Variants in MRPS22 observed in about 807,000 individuals in gnomAD.
MRPS22 encodes mitochondrial ribosomal protein S22, also known as small ribosomal subunit protein mS22.
In MRPS22, 30 loss-of-function variants were observed where a neutral mutation model predicts 44.0. That is an observed-to-expected ratio of 0.68 (90% CI 0.51 to 0.93). The LOEUF (loss-of-function observed/expected upper bound fraction) is 0.93. Among genes scored for constraint, MRPS22 ranks in the 40% least tolerant of loss-of-function variants. The pLI, the probability that MRPS22 is intolerant of heterozygous loss-of-function variation, is 0.00. For synonymous variants in MRPS22, 165 were observed against 154.4 expected (o/e 1.07, Z -0.51); for missense variants, 447 against 447.8 (o/e 1.00, Z 0.02).
chr3:139,347,197 C>T (rs1482367861), intron 2 of MRPS22, among the ~76,000 whole-genome samples, 153 bp downstream of exon 2: 1 of 152,176 alleles, frequency 6.6e-6, no homozygotes, highest in Non-Finnish European at 1.5e-5. Flanking sequence ...TGTGAGTAGG[C>T]TGCCAGAGAG....
chr3:139,348,237 T>C lies in MRPS22; in HGVS notation c.417T>C (p.Asn139=). Residue 139 remains asparagine, a synonymous_variant, in exon 3 of 8, where the codon AAT becomes AAC. Coordinates refer to ENST00000680020, the MANE Select transcript of MRPS22 (RefSeq NM_020191.4). ...TTCTGGAAGAGCGAGTACCAATAAATGATGTGTTAGCTGAAGATAAGATTT... is the reference window on the plus strand; with the variant it reads ...TTCTGGAAGAGCGAGTACCAATAAACGATGTGTTAGCTGAAGATAAGATTT... ...PPVLEERVPI[N]DVLAEDKILE... The C allele has an allele frequency of 1.9e-6, 3 of 1,614,088 alleles. 1 individual carries two copies.
chr3:139,348,241 G>GTGT lies in MRPS22; in HGVS notation c.423_425dup (p.Leu142dup). The GTGT allele has an allele frequency of 6.2e-7, 1 of 1,614,064 alleles. No individual in the cohort carries two copies. Among genetic ancestry groups the GTGT allele is most frequent in the South Asian group, 1.1e-5 (1 of 91,088 alleles). ...GGAAGAGCGAGTACCAATAAATGAT[G>GTGT]TGTTAGCTGAAGATAAGATTTTGGA... On this transcript the variant is annotated inframe_insertion, in exon 3 of 8. Transcript: ENST00000680020.
intron 5 of MRPS22, chr3:139,351,388 T>C: frequency 2.7e-6 from 1 of 364,038 alleles, no homozygotes; most frequent in South Asian, 2.2e-5. Flanking sequence ...TTTACTAAAA[T>C]TTTGCTGAAG....
At chr3:139,344,336 C>A in intron 1 of MRPS22, 138 bp downstream of exon 1, 1 of 975,514 alleles carries the variant, frequency 1.0e-6, no homozygotes, top group Non-Finnish European at 1.6e-6. Flanking sequence ...TCCTTCTGTA[C>A]CTGTAGAGTT....
At chr3:139,352,210 T>C (rs886692462) in intron 5 of MRPS22, 2 of 184,190 alleles carry the variant, frequency 1.1e-5, no homozygotes, top group East Asian at 2.8e-4. Flanking sequence ...GGTATTTTGC[T>C]TCAGGCTGCC....
Position 139,356,374 on chromosome 3 carries a change from T to G in MRPS22, c.988-545T>G, listed in dbSNP as rs145447712. Among the ~76,000 whole-genome samples the G allele has an allele frequency of 6.6e-5, 10 of 152,350 alleles. No homozygotes were observed. In the East Asian group the frequency reaches 1.9e-3, roughly 29 times the overall value. The stretch of plus-strand genomic sequence containing the variant: ...AGGGAAGGGGAGGAGATTGTATAAT[T>G]AATTTCATCTCTTCTAATGCTCAGA... On this transcript the variant is annotated intron_variant, in intron 7 of 7. Transcript: ENST00000680020.
At position 139,355,869 on chromosome 3, in the gene MRPS22, G is replaced by A. The variant is rs1941245046; in HGVS notation, c.987+79G>A. On this transcript the variant is annotated intron_variant, in intron 7 of 7. Transcript: ENST00000680020. The stretch of plus-strand genomic sequence containing the variant: ...AATTCAGAATTGGGTCATAATTAAT[G>A]GTAACTAAACAGATTTGTGAATATG... 7 of 988,808 alleles carry A rather than the reference G, an allele frequency of 7.1e-6. No individual in the cohort carries two copies. In the South Asian group the frequency reaches 8.1e-5, roughly 11 times the overall value. 61.3% of individuals were successfully genotyped at this position (988,808 alleles called of 1,614,324 possible).
chr3:139,356,059 C>G (rs998503856), intron 7 of MRPS22, among the ~76,000 whole-genome samples: 6 of 152,096 alleles, frequency 3.9e-5, no homozygotes, highest in Non-Finnish European at 8.8e-5. Flanking sequence ...AGGGAGCAGC[C>G]CCTTTGTTCT....
At chr3:139,350,917 C>T in intron 4 of MRPS22, 60 bp from the exon 5 acceptor site, 2 of 1,382,262 alleles carry the variant, frequency 1.4e-6, no homozygotes, top group South Asian at 2.3e-5. Context: ...GTCATGACAT[C>T]AGGACAGGTG....
In MRPS22 at chr3:139,344,375, TTCAC is replaced by T. The variant is rs547349210; in HGVS notation, c.172+185_172+188del. On this transcript the variant is annotated intron_variant, in intron 1 of 7. Coordinates refer to ENST00000680020, the MANE Select transcript of MRPS22 (RefSeq NM_020191.4). ...CATCACCTGCATATCTGTTCATTCGTTCACTCACTCAACTACAGTGCCTGAGTTC... is the reference window on the plus strand; with the variant it reads ...CATCACCTGCATATCTGTTCATTCGTTCACTCAACTACAGTGCCTGAGTTC... 2.4e-3 allele frequency among the ~76,000 whole-genome samples: 370 copies of T among 152,374 alleles called. 1 individual carries two copies. The highest frequency in any genetic ancestry group is 8.2e-3 in the African/African-American group (340 of 41,600).
chr3:139,345,532 G>A (rs1602628), intron 1 of MRPS22, among the ~76,000 whole-genome samples: 11,345 of 146,106 alleles, frequency 0.078, 479 homozygotes, highest in Middle Eastern at 0.14. Context: ...GGCTGAATGT[G>A]TAAAGTACTT....
chr3:139,350,679 CCCG>C (rs1941131832), intron 4 of MRPS22: 9 of 364,584 alleles, frequency 2.5e-5, no homozygotes, highest in South Asian at 4.5e-5. Context: ...GCACCCCCCC[CCCG>C]CAATCCGACT....
chr3:139,356,864 CTT>C, intron 7 of MRPS22, 53 bp from the exon 8 acceptor site: 1 of 1,326,054 alleles, frequency 7.5e-7, no homozygotes, highest in Non-Finnish European at 1.1e-6. Flanking sequence ...AACTGAAAAA[CTT>C]TATAAATAGC....
chr3:139,353,229 T>C (rs548977966), intron 6 of MRPS22, among the ~76,000 whole-genome samples: 4 of 152,368 alleles, frequency 2.6e-5, no homozygotes, highest in African/African-American at 9.6e-5. Flanking sequence ...CCCTTGCTTT[T>C]GCAAGATTTT....
chr3:139,344,552 C>T, intron 1 of MRPS22: 1 of 614,034 alleles, frequency 1.6e-6, no homozygotes, highest in East Asian at 2.7e-5. Flanking sequence ...AGGAGAGGCA[C>T]TCAAACTAGG....
intron 5 of MRPS22, 200 bp from the exon 6 acceptor site, chr3:139,352,445 TTA>T: frequency 1.9e-6 from 1 of 516,334 alleles, no homozygotes; most frequent in South Asian, 2.0e-5. Flanking sequence ...AAATTCTTTC[TTA>T]ATAGAATCCT....
chr3:139,350,045 TATC>T (rs1459854081), intron 3 of MRPS22, 131 bp from the exon 4 acceptor site: 1 of 1,010,268 alleles, frequency 9.9e-7, no homozygotes, highest in Non-Finnish European at 1.5e-6. Flanking sequence ...GGTTTAAAAT[TATC>T]ATTGATCTCA....
intron 4 of MRPS22, 156 bp from the exon 5 acceptor site, chr3:139,350,821 T>C: frequency 1.4e-6 from 1 of 700,208 alleles, no homozygotes; most frequent in Non-Finnish European, 2.6e-6. Context: ...GGAATTTGAA[T>C]CTAGGTGTGA....
intron 2 of MRPS22, 73 bp downstream of exon 2, chr3:139,347,117 A>G (rs1560005577): frequency 3.3e-6 from 5 of 1,501,504 alleles, no homozygotes; most frequent in East Asian, 4.5e-5. Context: ...AGGCCCCTCC[A>G]GATGCTTATA....
Sources: allele counts gnomAD v4.1 joint callset (sites outside exome capture counted in the v4.1 genomes callset), GRCh38; gene constraint gnomAD v4.1.1; transcripts MANE v1.5; gene names NCBI Gene and HGNC (gene_info 2026-07-23, HGNC 2026-07-21).